Variants in ALDH3B2 observed in about 807,000 individuals in gnomAD.
The protein encoded by ALDH3B2 is aldehyde dehydrogenase 3 family member B2.
In ALDH3B2, 45 loss-of-function variants were observed where a neutral mutation model predicts 36.7. The ratio of observed to expected loss-of-function variants is 1.23; its 90% CI spans 0.97 to 1.57. The LOEUF (loss-of-function observed/expected upper bound fraction) is 1.57, where lower values mean the gene tolerates loss of function less well. Ranked by LOEUF, ALDH3B2 falls within the 40% of genes most tolerant of loss-of-function variation. ALDH3B2 has a pLI of 0.00. For missense variants in ALDH3B2, 464 were observed against 513.3 expected (o/e 0.90, Z 0.93); for synonymous variants, 217 against 226.5 (o/e 0.96, Z 0.38).
upstream of ALDH3B2, among the ~76,000 whole-genome samples, chr11:67,678,312 A>G (rs969389495): frequency 2.0e-5 from 3 of 152,154 alleles, no homozygotes; most frequent in African/African-American, 7.2e-5. Context: ...CCAGAAATAA[A>G]CCCAAATACT....
upstream of ALDH3B2, among the ~76,000 whole-genome samples, chr11:67,677,299 G>A (rs953558210): frequency 2.0e-5 from 3 of 152,116 alleles, no homozygotes; most frequent in Non-Finnish European, 2.9e-5. Context: ...GTGGTTTAAC[G>A]TAGGAGGGTC....
chr11:67,677,396 T>C (rs1423666696), upstream of ALDH3B2, among the ~76,000 whole-genome samples: 1 of 152,068 alleles, frequency 6.6e-6, no homozygotes, highest in Non-Finnish European at 1.5e-5. Flanking sequence ...TTTGACAAAA[T>C]CCAGCATCCT....
At chr11:67,666,422 G>T (rs749352042) in intron 4 of ALDH3B2, 21 bp from the exon 5 acceptor site, 1 of 1,607,510 alleles carries the variant, frequency 6.2e-7, no homozygotes, top group East Asian at 2.2e-5. Flanking sequence ...AGATGGGGAC[G>T]TCGTTGGGGG....
exon 4 of ALDH3B2, chr11:67,666,578 G>T (rs774105344): frequency 6.2e-7 from 1 of 1,613,982 alleles, no homozygotes; most frequent in Non-Finnish European, 8.5e-7. Context: ...CCTCACCTGC[G>T]GCGAGGGCGC....
chr11:67,666,017 A>T (rs1020559479), intron 6 of ALDH3B2, 105 bp downstream of exon 6: 6 of 1,395,308 alleles, frequency 4.3e-6, no homozygotes, highest in Non-Finnish European at 6.0e-6. Context: ...CCAGCTCCCC[A>T]CGTGCCCCCA....
At chr11:67,664,317 G>A (rs765940549) in intron 8 of ALDH3B2, 79 bp downstream of exon 8, 19 of 1,596,824 alleles carry the variant, frequency 1.2e-5, no homozygotes, top group Non-Finnish European at 1.5e-5. Flanking sequence ...AGCCTTGCTG[G>A]GAAGGGCTGT....
exon 10 of ALDH3B2, chr11:67,662,929 G>A: frequency 2.2e-6 from 1 of 456,084 alleles, no homozygotes; most frequent in Non-Finnish European, 4.0e-6. Context: ...ACTGGGTCTG[G>A]CCAACCCTGA....
upstream of ALDH3B2, among the ~76,000 whole-genome samples, chr11:67,676,786 C>A (rs946419743): frequency 6.6e-6 from 1 of 152,000 alleles, no homozygotes; most frequent in Admixed American, 6.6e-5. Context: ...ACTGACACCA[C>A]TGAAATATAA....
At chr11:67,664,701 T>C in intron 7 of ALDH3B2, 139 bp from the exon 8 acceptor site, 12 of 1,311,858 alleles carry the variant, frequency 9.1e-6, no homozygotes, top group Non-Finnish European at 1.2e-5. Flanking sequence ...CTTCAGGCTT[T>C]GGAGTGTTTA....
intron 3 of ALDH3B2, 87 bp from the exon 4 acceptor site, chr11:67,666,781 G>A (rs1855932464): frequency 4.4e-6 from 7 of 1,606,970 alleles, no homozygotes; most frequent in Non-Finnish European, 6.0e-6. Flanking sequence ...CTCCCTGTGC[G>A]ATGGAATCCC....
At chr11:67,670,787 C>T (rs1023426431) in intron 1 of ALDH3B2, among the ~76,000 whole-genome samples, 1 of 152,212 alleles carries the variant, frequency 6.6e-6, no homozygotes, top group African/African-American at 2.4e-5. Context: ...TGGCACAGGA[C>T]CCCCACACTC....
upstream of ALDH3B2, among the ~76,000 whole-genome samples, chr11:67,677,783 A>C (rs1856297500): frequency 6.6e-6 from 1 of 152,220 alleles, no homozygotes; most frequent in Non-Finnish European, 1.5e-5. Flanking sequence ...ATGTACACAA[A>C]TCAGTAGCTC....
At chr11:67,672,928 C>CTT (rs1856169066) in intron 1 of ALDH3B2, among the ~76,000 whole-genome samples, 1 of 130,426 alleles carries the variant, frequency 7.7e-6, no homozygotes, top group Non-Finnish European at 1.7e-5. Context: ...CTTTTCTTTT[C>CTT]TTTTCTTTTT....
chr11:67,662,953 G>A, exon 10 of ALDH3B2: 1 of 503,958 alleles, frequency 2.0e-6, no homozygotes, highest in Non-Finnish European at 3.5e-6. Context: ...AGAGGGCAAA[G>A]GGCTGGAATT....
upstream of ALDH3B2, among the ~76,000 whole-genome samples, chr11:67,678,760 T>C (rs1216077162): frequency 1.3e-5 from 2 of 150,990 alleles, no homozygotes; most frequent in Admixed American, 1.3e-4. Flanking sequence ...ATGATATATA[T>C]ACACGCTATG....
At chr11:67,678,879 T>A (rs1278298571), upstream of ALDH3B2, among the ~76,000 whole-genome samples, 1 of 151,936 alleles carries the variant, frequency 6.6e-6, no homozygotes, top group Admixed American at 6.6e-5. Flanking sequence ...TTTGCAATGA[T>A]CTGGATGAGA....
intron 7 of ALDH3B2, 91 bp from the exon 8 acceptor site, chr11:67,664,653 G>C: frequency 6.6e-7 from 1 of 1,521,514 alleles, no homozygotes; most frequent in Non-Finnish European, 8.8e-7. Flanking sequence ...CATGGGCCAG[G>C]GCTCCAGGCC....
chr11:67,666,007 C>A, intron 6 of ALDH3B2, 115 bp downstream of exon 6: 1 of 1,343,066 alleles, frequency 7.4e-7, no homozygotes, highest in Non-Finnish European at 1.0e-6. Flanking sequence ...TGTGCCAGCT[C>A]CAGCTCCCCA....
Position 67,663,656 on chromosome 11 carries a change from A to T in ALDH3B2, c.973+6T>A. ...TCCCTAGGGGTGGAAATGGGCAGGG[A>T]CCCACCGACTCCCCCGAATGGCACG... On this transcript the variant is annotated splice_donor_region_variant and intron_variant, in intron 9 of 9. Coordinates refer to ENST00000349015, the Ensembl canonical transcript of ALDH3B2. 6.2e-7 allele frequency: 1 copy of T among 1,606,840 alleles called. No homozygotes were observed. The highest frequency in any genetic ancestry group is 8.5e-7 in the Non-Finnish European group (1 of 1,174,496).
Sources: allele counts gnomAD v4.1 joint callset (sites outside exome capture counted in the v4.1 genomes callset), GRCh38; gene constraint gnomAD v4.1.1; transcripts MANE v1.5; gene names NCBI Gene and HGNC (gene_info 2026-07-23, HGNC 2026-07-21).